IQSEC3: variants seen among roughly 807,000 people sequenced by gnomAD.
IQSEC3 encodes IQ motif and SEC7 domain-containing protein 3.
A neutral mutation model predicts 105.4 loss-of-function variants in IQSEC3; 50 were observed. The observed-to-expected ratio is 0.47, with a 90% CI of 0.38 to 0.60. IQSEC3 has a LOEUF of 0.60. IQSEC3 is among the 20% of genes least tolerant of loss of function. IQSEC3 has a pLI of 0.00. For missense variants in IQSEC3, 1,415 were observed against 1,630.0 expected (o/e 0.87, Z 2.27); for synonymous variants, 708 against 746.0 (o/e 0.95, Z 0.83).
At chr12:122,103 G>T (rs1401523257) in intron 2 of IQSEC3, among the ~76,000 whole-genome samples, 2 of 152,162 alleles carry the variant, frequency 1.3e-5, no homozygotes, top group African/African-American at 2.4e-5. Context: ...AAGGATAGGG[G>T]TTCCCTTTCC....
At chr12:100,458 C>T (rs1956869086) in intron 2 of IQSEC3, among the ~76,000 whole-genome samples, 2 of 152,204 alleles carry the variant, frequency 1.3e-5, no homozygotes. Flanking sequence ...GGCTAGTGAT[C>T]TTGGGGCACA....
chr12:164,383 G>A (rs552093835), intron 9 of IQSEC3, among the ~76,000 whole-genome samples: 19 of 151,978 alleles, frequency 1.3e-4, no homozygotes, highest in Admixed American at 3.9e-4. Flanking sequence ...TCTCTCTGGA[G>A]TGCACATCAG....
At chr12:103,933 C>T (rs1388795373) in intron 2 of IQSEC3, among the ~76,000 whole-genome samples, 1 of 46,128 alleles carries the variant, frequency 2.2e-5, no homozygotes, top group Non-Finnish European at 4.5e-5. Context: ...AGGCAGGAAA[C>T]AGAACAACCC....
chr12:102,175 T>C (rs1259909992), intron 2 of IQSEC3, among the ~76,000 whole-genome samples: 2 of 136,196 alleles, frequency 1.5e-5, no homozygotes, highest in African/African-American at 2.8e-5. Context: ...CCCGTCAGTC[T>C]GGCTCCTCCC....
intron 2 of IQSEC3, among the ~76,000 whole-genome samples, chr12:116,926 C>T (rs1253564932): frequency 1.3e-5 from 2 of 152,348 alleles, no homozygotes; most frequent in East Asian, 3.9e-4. Context: ...CACAGGGCAT[C>T]AGAGGCTTCA....
intron 3 of IQSEC3, among the ~76,000 whole-genome samples, chr12:130,643 C>A (rs1409147882): frequency 6.6e-6 from 1 of 152,220 alleles, no homozygotes; most frequent in African/African-American, 2.4e-5. Context: ...TAGCGTGTCC[C>A]CCATGCCTAC....
chr12:117,127 G>C (rs782046899), intron 2 of IQSEC3, among the ~76,000 whole-genome samples: 1 of 152,162 alleles, frequency 6.6e-6, no homozygotes, highest in African/African-American at 2.4e-5. Flanking sequence ...TGAAGAGGCC[G>C]TGGTTCTGCA....
chr12:162,897 C>T (rs536502147), intron 8 of IQSEC3, among the ~76,000 whole-genome samples: 58 of 152,202 alleles, frequency 3.8e-4, no homozygotes, highest in African/African-American at 1.4e-3. Context: ...CTCAAGGTTA[C>T]GGAGGGAAGC....
chr12:75,938 G>A (rs1404652848), intron 1 of IQSEC3, among the ~76,000 whole-genome samples: 1 of 152,226 alleles, frequency 6.6e-6, no homozygotes, highest in Non-Finnish European at 1.5e-5. Context: ...GAGGGGTGAG[G>A]AGAAGACTGC....
At chr12:150,893 C>T (rs1431391917) in intron 5 of IQSEC3, among the ~76,000 whole-genome samples, 12 of 152,180 alleles carry the variant, frequency 7.9e-5, no homozygotes, top group African/African-American at 2.4e-4. Context: ...AGAGGGGAGG[C>T]GTGGTAGCTA....
intron 11 of IQSEC3, among the ~76,000 whole-genome samples, chr12:168,718 C>G (rs1938807735): frequency 6.6e-6 from 1 of 152,220 alleles, no homozygotes; most frequent in African/African-American, 2.4e-5. Flanking sequence ...CAGGGAGTGT[C>G]AGGACCAGGA....
intron 1 of IQSEC3, among the ~76,000 whole-genome samples, chr12:93,961 CA>C (rs1864171627): frequency 6.6e-6 from 1 of 152,218 alleles, no homozygotes; most frequent in Admixed American, 6.5e-5. Context: ...CCTGAGGCCT[CA>C]CCAGAAGCAG....
In IQSEC3 at chr12:165,759, C is replaced by T. The variant is rs201553036; in HGVS notation, c.2840C>T (p.Pro947Leu). The change falls in exon 11 of 14, where the codon CCG (proline) becomes CTG (leucine). Residue 947 changes from proline to leucine, a missense_variant. This residue lies in a region of IQSEC3 where 419 missense variants were observed against 436.2 expected (regional missense o/e 0.96). Transcript: ENST00000538872. The stretch of plus-strand genomic sequence containing the variant: ...TCTCATGGCATCACACTGGTGACCC[C>T]GCTCTCGGGCTCCGAGAAGAAGCAG... ...YYSHGITLVT[P>L]LSGSEKKQVL... The T allele has an allele frequency of 1.1e-5, 17 of 1,613,912 alleles. No individual in the cohort carries two copies. Among genetic ancestry groups the T allele is most frequent in the African/African-American group, 4.0e-5 (3 of 75,062 alleles).
chr12:175,354 C>T lies in IQSEC3; in HGVS notation c.*321C>T. 2 of 326,734 alleles carry T rather than the reference C, an allele frequency of 6.1e-6. No individual in the cohort carries two copies. The highest frequency in any genetic ancestry group is 1.1e-5 in the Non-Finnish European group (2 of 178,846). 20.2% of individuals were successfully genotyped at this position (326,734 alleles called of 1,614,324 possible). A position where few individuals can be genotyped will look rare whatever the true frequency, so the allele number is the denominator to read the frequency against. On this transcript the variant is annotated 3_prime_UTR_variant, in exon 14 of 14. Transcript: ENST00000538872. The stretch of plus-strand genomic sequence containing the variant: ...GGACTGAAGAAAACGAGCTGAGGGT[C>T]TAACGAGCTTGCAGGCTTTGAGTCT...
chr12:147,680 C>T (rs1056104441), intron 5 of IQSEC3: 1 of 152,080 alleles, frequency 6.6e-6, no homozygotes, highest in East Asian at 1.9e-4. Context: ...AAACTGAGGC[C>T]CTGGGGAAAA....
intron 2 of IQSEC3, among the ~76,000 whole-genome samples, chr12:113,140 C>T (rs1401350563): frequency 1.3e-5 from 2 of 152,132 alleles, no homozygotes; most frequent in Non-Finnish European, 2.9e-5. Context: ...AGCGTTTATC[C>T]TGGGCTTGGA....
intron 2 of IQSEC3, among the ~76,000 whole-genome samples, chr12:107,458 G>A (rs1864700082): frequency 8.0e-6 from 1 of 125,472 alleles, no homozygotes; most frequent in Admixed American, 1.1e-4. Flanking sequence ...GGCTCAGGCT[G>A]GGGTGCAGTG....
At position 166,245 on chromosome 12, in the gene IQSEC3, G is replaced by T. The variant is rs564553875; in HGVS notation, c.2971+355G>T. On this transcript the variant is annotated intron_variant, in intron 11 of 13. Coordinates refer to ENST00000538872, the MANE Select transcript of IQSEC3 (RefSeq NM_001170738.2). Reference sequence around the variant, plus strand: ...CTGGTGCGTTCCTTCCCACCAAACCGTCTGCTGTCACCTCCCCCACTGTGG... The same window carrying T: ...CTGGTGCGTTCCTTCCCACCAAACCTTCTGCTGTCACCTCCCCCACTGTGG... 1.8e-5 allele frequency: 5 copies of T among 275,840 alleles called. No homozygotes were observed. The South Asian group carries it at 5.0e-4, about 28-fold the overall frequency. The allele number at this position is 275,840 out of a possible 1,614,324, so 17.1% of individuals were successfully genotyped here.
intron 2 of IQSEC3, among the ~76,000 whole-genome samples, chr12:122,838 G>A (rs1247940204): frequency 6.6e-6 from 1 of 152,212 alleles, no homozygotes; most frequent in African/African-American, 2.4e-5. Context: ...TGGTATTAAA[G>A]GTGTCTGGAC....
Sources: gnomAD v4.1 joint callset for allele counts (sites outside exome capture counted in the v4.1 genomes callset) on GRCh38, gnomAD v4.1.1 for gene constraint, gnomAD v4.1.1 regional missense constraint, MANE v1.5 for transcripts, NCBI Gene and HGNC (gene_info 2026-07-23, HGNC 2026-07-21) for gene names.